The following LAMTOR2 variants were observed in gnomAD, a reference collection of about 807,000 sequenced individuals.
LAMTOR2 encodes the protein ragulator complex protein LAMTOR2.
In LAMTOR2, 4 loss-of-function variants were observed where a neutral mutation model predicts 15.8. The ratio of observed to expected loss-of-function variants is 0.25; its 90% CI spans 0.12 to 0.58. The LOEUF (loss-of-function observed/expected upper bound fraction) is 0.58. LAMTOR2 is among the 20% of genes least tolerant of loss of function. The pLI is 0.91. For synonymous variants in LAMTOR2, 62 were observed against 64.1 expected (o/e 0.97, Z 0.15); for missense variants, 100 against 161.0 (o/e 0.62, Z 2.05).
rs775103008 is a variant in LAMTOR2, at chr1:156,054,916, G to A, written c.27G>A (p.Gln9=). Residue 9 remains glutamine (Q), a synonymous_variant, in exon 1 of 4, where the codon CAG becomes CAA. Transcript: ENST00000368305. The part of the protein sequence containing the change: MLRPKALT[Q]VLSQANTGGV... Reference sequence around the variant, plus strand: ...TGCTGCGCCCCAAGGCTTTGACCCAGGTGCTAAGCCAAGCCAACACTGGAG... The same window carrying A: ...TGCTGCGCCCCAAGGCTTTGACCCAAGTGCTAAGCCAAGCCAACACTGGAG... 3.7e-6 allele frequency: 6 copies of A among 1,612,938 alleles called. No individual in the cohort carries two copies.
intron 3 of LAMTOR2, 120 bp downstream of exon 3, chr1:156,058,187 T>C: frequency 6.7e-7 from 1 of 1,496,454 alleles, no homozygotes; most frequent in Non-Finnish European, 9.3e-7. Context: ...ATTTCTGGTG[T>C]GGGCCAGCTC....
rs777780872 is a variant in LAMTOR2, at chr1:156,058,423, C to G, written c.*52C>G. 2.5e-6 allele frequency: 4 copies of G among 1,598,180 alleles called. No individual in the cohort carries two copies. The highest frequency in any genetic ancestry group is 2.2e-5 in the South Asian group (2 of 90,680). On this transcript the variant is annotated 3_prime_UTR_variant, in exon 4 of 4. Transcript: ENST00000368305. ...AAAGAGAAATGACCATTTGGAGGGG[C>G]GGGGCCTCCTAGAAGAACCTTCTTA... is the stretch of plus-strand genomic sequence containing the variant.
chr1:156,057,595 C>G (rs1382150260), intron 2 of LAMTOR2, among the ~76,000 whole-genome samples: 1 of 152,132 alleles, frequency 6.6e-6, no homozygotes, highest in East Asian at 1.9e-4. Context: ...GGTTACCACT[C>G]CCATGCCCCT....
Position 156,055,513 on chromosome 1 carries a change from C to A in LAMTOR2, c.231+88C>A. The stretch of plus-strand genomic sequence containing the variant: ...ACCCCATCCTGGATGGTTGGAGGGG[C>A]AGGGACAGGATCTCCGGAAGATTAC... On this transcript the variant is annotated intron_variant, in intron 2 of 3. Transcript: ENST00000368305. The surrounding 1 kb of genome is among the most constrained non-coding windows in gnomAD (Gnocchi z 4.8). The A allele has an allele frequency of 6.8e-7, 1 of 1,465,600 alleles. No homozygotes were observed. Among genetic ancestry groups the A allele is most frequent in the Non-Finnish European group, 9.5e-7 (1 of 1,048,918 alleles). 90.8% of individuals were successfully genotyped at this position (1,465,600 alleles called of 1,614,324 possible).
At chr1:156,057,740 T>A (rs1183979919) in intron 2 of LAMTOR2, among the ~76,000 whole-genome samples, 1 of 152,136 alleles carries the variant, frequency 6.6e-6, no homozygotes, top group Non-Finnish European at 1.5e-5. Flanking sequence ...AAACTGAATT[T>A]CTGAGAGACT....
chr1:156,056,310 T>A (rs1293055221), intron 2 of LAMTOR2, among the ~76,000 whole-genome samples: 1 of 152,184 alleles, frequency 6.6e-6, no homozygotes, highest in Admixed American at 6.5e-5. Context: ...CCACATTTTT[T>A]AAAATAAGTA....
At chr1:156,056,946 G>A (rs183532049) in intron 2 of LAMTOR2, among the ~76,000 whole-genome samples, 91 of 152,256 alleles carry the variant, frequency 6.0e-4, no homozygotes, top group African/African-American at 2.1e-3. Flanking sequence ...TTGGGAGGCC[G>A]AGGCGGGCGG....
At position 156,055,466 on chromosome 1, in the gene LAMTOR2, G is replaced by C. The variant is rs760871677; in HGVS notation, c.231+41G>C. Reference sequence around the variant, plus strand: ...CCAGACTTCCCCTGTCCCCCAAAGGGGATCCCAAGGGGGCGACCTGGACCC... The same window carrying C: ...CCAGACTTCCCCTGTCCCCCAAAGGCGATCCCAAGGGGGCGACCTGGACCC... On this transcript the variant is annotated intron_variant, in intron 2 of 3. Transcript: ENST00000368305. The surrounding 1 kb of genome is among the most constrained non-coding windows in gnomAD (Gnocchi z 4.8). The C allele has an allele frequency of 8.1e-6, 13 of 1,612,222 alleles. No individual in the cohort carries two copies. The East Asian group carries it at 2.7e-4, about 33-fold the overall frequency.
intron 2 of LAMTOR2, 39 bp from the exon 3 acceptor site, chr1:156,057,939 C>T (rs1558094887): frequency 1.3e-6 from 2 of 1,589,792 alleles, no homozygotes; most frequent in East Asian, 2.2e-5. Flanking sequence ...CTAAGGGTGC[C>T]AAGCAGAACA....
At chr1:156,056,210 C>T (rs939396878) in intron 2 of LAMTOR2, among the ~76,000 whole-genome samples, 3 of 152,130 alleles carry the variant, frequency 2.0e-5, no homozygotes, top group Non-Finnish European at 4.4e-5. Flanking sequence ...GCCATGTTGC[C>T]CAGGCTGGTC....
intron 3 of LAMTOR2, 120 bp downstream of exon 3, chr1:156,058,187 T>G: frequency 6.7e-7 from 1 of 1,496,454 alleles, no homozygotes; most frequent in South Asian, 1.1e-5. Flanking sequence ...ATTTCTGGTG[T>G]GGGCCAGCTC....
Position 156,054,946 on chromosome 1 carries a change from C to T in LAMTOR2, c.57C>T (p.Val19=). ...QVLSQANTGG[V]QSTLLLNNEG... is the part of the protein sequence containing the mutation. ...TAAGCCAAGCCAACACTGGAGGCGTCCAGAGCACCCTGTGAGTGCAGACCA... is the reference window on the plus strand; with the variant it reads ...TAAGCCAAGCCAACACTGGAGGCGTTCAGAGCACCCTGTGAGTGCAGACCA... Residue 19 remains valine (V), a synonymous_variant, in exon 1 of 4, where the codon GTC becomes GTT. Transcript: ENST00000368305. 6.2e-7 allele frequency: 1 copy of T among 1,612,392 alleles called. No individual in the cohort carries two copies. Among genetic ancestry groups the T allele is most frequent in the Non-Finnish European group, 8.5e-7 (1 of 1,179,690 alleles).
At chr1:156,056,445 G>T (rs1282088589) in intron 2 of LAMTOR2, among the ~76,000 whole-genome samples, 1 of 152,210 alleles carries the variant, frequency 6.6e-6, no homozygotes, top group Non-Finnish European at 1.5e-5. Flanking sequence ...TTTGATCAAT[G>T]ATCTGAAGAA....
At chr1:156,056,977 A>C (rs1337449478) in intron 2 of LAMTOR2, among the ~76,000 whole-genome samples, 1 of 152,038 alleles carries the variant, frequency 6.6e-6, no homozygotes, top group Admixed American at 6.6e-5. Flanking sequence ...CAGGTGTTCA[A>C]GACCAGCCTG....
chr1:156,055,712 T>G lies in LAMTOR2; in HGVS notation c.231+287T>G, dbSNP rs1647342693. The G allele has an allele frequency of 2.1e-6, 1 of 465,272 alleles. No homozygotes were observed. The allele number at this position is 465,272 out of a possible 1,614,324, so 28.8% of individuals were successfully genotyped here. A position where few individuals can be genotyped will look rare whatever the true frequency, so the allele number is the denominator to read the frequency against. On this transcript the variant is annotated intron_variant, in intron 2 of 3. Transcript: ENST00000368305. The surrounding 1 kb of genome is among the most constrained non-coding windows in gnomAD (Gnocchi z 4.8). ...AACCTCTCTCAGCTTCCTTACCTCA[T>G]GTTTAAGGAGAAGACAATAATTTCC...
chr1:156,056,994 A>G (rs1327698433), intron 2 of LAMTOR2, among the ~76,000 whole-genome samples: 2 of 151,922 alleles, frequency 1.3e-5, no homozygotes, highest in African/African-American at 2.4e-5. Context: ...CCTGGCCAAC[A>G]TGGTGAAACC....
In LAMTOR2 at chr1:156,054,787, G is replaced by A. The variant is rs1647264628; in HGVS notation, c.-103G>A. The A allele has an allele frequency of 1.7e-6, 2 of 1,167,040 alleles. No homozygotes were observed. Among genetic ancestry groups the A allele is most frequent in the Non-Finnish European group, 2.5e-6 (2 of 792,728 alleles). The allele number at this position is 1,167,040 out of a possible 1,614,324, so 72.3% of individuals were successfully genotyped here. On this transcript the variant is annotated 5_prime_UTR_variant, in exon 1 of 4. Coordinates refer to ENST00000368305, the MANE Select transcript of LAMTOR2 (RefSeq NM_014017.4). ...GCGAAGAAACTACAACTCCCAGGGCGTCCCGGAGCAGGCCAACGGGACTAC... is the reference window on the plus strand; with the variant it reads ...GCGAAGAAACTACAACTCCCAGGGCATCCCGGAGCAGGCCAACGGGACTAC...
chr1:156,054,833 C>A lies in LAMTOR2; in HGVS notation c.-57C>A. The A allele has an allele frequency of 1.3e-6, 2 of 1,573,088 alleles. No individual in the cohort carries two copies. The highest frequency in any genetic ancestry group is 1.7e-6 in the Non-Finnish European group (2 of 1,147,964). On this transcript the variant is annotated 5_prime_UTR_variant, in exon 1 of 4. Transcript: ENST00000368305. ...ACTACGGGAAGCAGCGGGCAGCGGC[C>A]CGCGGGAGGCACCTCGGAGATCTGG...
At chr1:156,056,441 C>G (rs1041391011) in intron 2 of LAMTOR2, among the ~76,000 whole-genome samples, 12 of 152,114 alleles carry the variant, frequency 7.9e-5, no homozygotes, top group Non-Finnish European at 1.3e-4. Flanking sequence ...GACATTTGAT[C>G]AATGATCTGA....
Sources: allele counts gnomAD v4.1 joint callset (sites outside exome capture counted in the v4.1 genomes callset), GRCh38; gene constraint gnomAD v4.1.1; non-coding constraint Gnocchi (gnomAD v3.1); transcripts MANE v1.5; gene names NCBI Gene and HGNC (gene_info 2026-07-23, HGNC 2026-07-21).